The following DNM1 variants were observed in gnomAD, a reference collection of about 807,000 sequenced individuals.
The protein encoded by DNM1 is dynamin 1.
A neutral mutation model predicts 104.6 loss-of-function variants in DNM1; 29 were observed. That is an observed-to-expected ratio of 0.28 (90% CI 0.21 to 0.38). The LOEUF is 0.38. Among genes scored for constraint, DNM1 ranks in the 10% least tolerant of loss-of-function variants. DNM1 has a pLI of 1.00. For missense variants in DNM1, 640 were observed against 1,189.4 expected (o/e 0.54, Z 6.79); for synonymous variants, 445 against 475.8 (o/e 0.94, Z 0.84).
In DNM1 at chr9:128,203,823, C is replaced by G. The variant is rs1453919009; in HGVS notation, c.161+192C>G. ...AGCCCCTCGGGGCAGCAGCGCCCCCCGCTAGTCTGCAAACGTCGTCAAGCC... is the reference window on the plus strand; with the variant it reads ...AGCCCCTCGGGGCAGCAGCGCCCCCGGCTAGTCTGCAAACGTCGTCAAGCC... On this transcript the variant is annotated intron_variant, in intron 1 of 21. Transcript: ENST00000372923. This position sits in a 1 kb window ranked among gnomAD's most constrained non-coding sequence, Gnocchi z 5.3. 1.3e-5 allele frequency among the ~76,000 whole-genome samples: 2 copies of G among 151,148 alleles called. No homozygotes were observed. The highest frequency in any genetic ancestry group is 3.0e-5 in the Non-Finnish European group (2 of 67,662).
Position 128,254,911 on chromosome 9 carries a change from G to C in DNM1, c.*197G>C. ...CCCTTCTGTGGTATGCCCTTGCCCT[G>C]TTCTATAAATATCTATAAATACTCA... On this transcript the variant is annotated 3_prime_UTR_variant, in exon 22 of 22. Transcript: ENST00000372923. This position sits in a 1 kb window ranked among gnomAD's most constrained non-coding sequence, Gnocchi z 6.1. 1 of 562,346 alleles carries C rather than the reference G, an allele frequency of 1.8e-6. No individual in the cohort carries two copies. The highest frequency in any genetic ancestry group is 3.1e-6 in the Non-Finnish European group (1 of 320,798). The allele number at this position is 562,346 out of a possible 1,614,324, so 34.8% of individuals were successfully genotyped here. A position where few individuals can be genotyped will look rare whatever the true frequency, so the allele number is the denominator to read the frequency against.
chr9:128,223,045 A>C (rs1588371466), intron 9 of DNM1, 185 bp downstream of exon 9: 2 of 616,308 alleles, frequency 3.2e-6, no homozygotes, highest in Non-Finnish European at 5.6e-6. Context: ...GACCCGGGCC[A>C]CCCCGCCTAC....
intron 1 of DNM1, among the ~76,000 whole-genome samples, chr9:128,211,858 G>C (rs1031861883): frequency 1.3e-5 from 2 of 152,198 alleles, no homozygotes; most frequent in African/African-American, 4.8e-5. Context: ...AAAGAAGCCC[G>C]TTGCCTTGGG....
intron 10 of DNM1, among the ~76,000 whole-genome samples, chr9:128,231,228 A>G (rs1163252129): frequency 8.8e-6 from 1 of 113,314 alleles, no homozygotes; most frequent in Non-Finnish European, 1.7e-5. Flanking sequence ...TGGAGACAGA[A>G]TTTCGCTCTT....
chr9:128,207,767 C>T (rs74986293), intron 1 of DNM1, among the ~76,000 whole-genome samples: 4,365 of 152,240 alleles, frequency 0.029, 200 homozygotes, highest in African/African-American at 0.1. Context: ...AGGAAGCACT[C>T]GGGGCAGGGC....
chr9:128,231,898 G>A, intron 10 of DNM1: 1 of 413,254 alleles, frequency 2.4e-6, no homozygotes, highest in Non-Finnish European at 4.8e-6. Flanking sequence ...TGGCTCCAGG[G>A]GCTGTGTCCC....
chr9:128,239,572 GTGTGT>G, intron 12 of DNM1, 57 bp downstream of exon 12: 1 of 528,156 alleles, frequency 1.9e-6, no homozygotes, highest in Non-Finnish European at 2.8e-6. Flanking sequence ...GGTAACGTGT[GTGTGT>G]GTGTGTGTGT....
At chr9:128,252,321 C>A in intron 21 of DNM1, 1 of 356,366 alleles carries the variant, frequency 2.8e-6, no homozygotes, top group South Asian at 2.2e-5. Flanking sequence ...CCTGCCCCAA[C>A]TCCAGTCTTG....
chr9:128,232,509 C>G (rs780741476), intron 10 of DNM1: 19 of 155,958 alleles, frequency 1.2e-4, no homozygotes, highest in Non-Finnish European at 2.0e-4. Flanking sequence ...CTGCTTTCTC[C>G]CCATCCTCCT....
chr9:128,211,377 G>A (rs1834284445), intron 1 of DNM1, among the ~76,000 whole-genome samples: 1 of 151,270 alleles, frequency 6.6e-6, no homozygotes, highest in Admixed American at 6.6e-5. Context: ...TGGTCTACCT[G>A]AATATATTAC....
At position 128,254,042 on chromosome 9, in the gene DNM1, C is replaced by T. The variant is rs2131311301; in HGVS notation, c.2535-612C>T. 1 of 1,237,266 alleles carries T rather than the reference C, an allele frequency of 8.1e-7. No individual in the cohort carries two copies. Among genetic ancestry groups the T allele is most frequent in the Non-Finnish European group, 1.0e-6 (1 of 991,836 alleles). The allele number at this position is 1,237,266 out of a possible 1,614,324, so 76.6% of individuals were successfully genotyped here. On this transcript the variant is annotated intron_variant, in intron 21 of 21. Transcript: ENST00000372923. This position sits in a 1 kb window ranked among gnomAD's most constrained non-coding sequence, Gnocchi z 6.1. Reference sequence around the variant, plus strand: ...CAGCCTCACCTACGAGACCTGCAGCCCCCCGACCAGCTGAGGCTCCCCTCT... The same window carrying T: ...CAGCCTCACCTACGAGACCTGCAGCTCCCCGACCAGCTGAGGCTCCCCTCT...
chr9:128,247,071 A>T lies in DNM1; in HGVS notation c.1782-304A>T, dbSNP rs1315656869. Reference sequence around the variant, plus strand: ...GAGAGCCACGGAGAAAGCTGGTGGGATCTGGGCCCCAAGCTAGAGACTTCA... The same window carrying T: ...GAGAGCCACGGAGAAAGCTGGTGGGTTCTGGGCCCCAAGCTAGAGACTTCA... On this transcript the variant is annotated intron_variant, in intron 16 of 21. Coordinates refer to ENST00000372923, the MANE Select transcript of DNM1 (RefSeq NM_004408.4). This position sits in a 1 kb window ranked among gnomAD's most constrained non-coding sequence, Gnocchi z 5.1. 1 of 274,780 alleles carries T rather than the reference A, an allele frequency of 3.6e-6. No homozygotes were observed. The highest frequency in any genetic ancestry group is 7.0e-6 in the Non-Finnish European group (1 of 143,018). The allele number at this position is 274,780 out of a possible 1,614,324, so 17.0% of individuals were successfully genotyped here. A position where few individuals can be genotyped will look rare whatever the true frequency, so the allele number is the denominator to read the frequency against.
Position 128,247,634 on chromosome 9 carries a change from T to G in DNM1, c.1893+148T>G. 1 of 742,306 alleles carries G rather than the reference T, an allele frequency of 1.3e-6. No homozygotes were observed. The highest frequency in any genetic ancestry group is 2.2e-6 in the Non-Finnish European group (1 of 450,122). The allele number at this position is 742,306 out of a possible 1,614,324, so 46.0% of individuals were successfully genotyped here. Reference sequence around the variant, plus strand: ...TCCTCCCCCCTACCCACTCTGGGGGTGGGAACAGAGATAAGTCTCCTGGTA... The same window carrying G: ...TCCTCCCCCCTACCCACTCTGGGGGGGGGAACAGAGATAAGTCTCCTGGTA... On this transcript the variant is annotated intron_variant, in intron 17 of 21. Coordinates refer to ENST00000372923, the MANE Select transcript of DNM1 (RefSeq NM_004408.4). The surrounding 1 kb of genome is among the most constrained non-coding windows in gnomAD (Gnocchi z 5.1).
At position 128,220,364 on chromosome 9, in the gene DNM1, G is replaced by A. The variant is rs754468514; in HGVS notation, c.849+23G>A. On this transcript the variant is annotated intron_variant, in intron 6 of 21. Coordinates refer to ENST00000372923, the MANE Select transcript of DNM1 (RefSeq NM_004408.4). The surrounding 1 kb of genome is among the most constrained non-coding windows in gnomAD (Gnocchi z 5.2). Reference sequence around the variant, plus strand: ...CAGGTAGGCGACCAAGCCAGGATGGGGCCTGGGGAAACAAGCATGAAAACA... The same window carrying A: ...CAGGTAGGCGACCAAGCCAGGATGGAGCCTGGGGAAACAAGCATGAAAACA... 4 of 1,610,696 alleles carry A rather than the reference G, an allele frequency of 2.5e-6. No individual in the cohort carries two copies. Among genetic ancestry groups the A allele is most frequent in the African/African-American group, 2.7e-5 (2 of 75,030 alleles).
rs1280655686 is a variant in DNM1 at position 128,224,199 on chromosome 9, T to C, written c.1197-52T>C. On this transcript the variant is annotated intron_variant, in intron 9 of 21. Transcript: ENST00000372923. The surrounding 1 kb of genome is among the most constrained non-coding windows in gnomAD (Gnocchi z 4.3). ...GGGAGGAGCCTCGGCCTGGCCCTCC[T>C]GGCCGGCACTGGCCTGTGACACTCT... 1.3e-6 allele frequency: 2 copies of C among 1,572,514 alleles called. No homozygotes were observed. The highest frequency in any genetic ancestry group is 1.4e-5 in the African/African-American group (1 of 74,064).
In DNM1 at chr9:128,248,571, T is replaced by A. The variant is rs1196602025; in HGVS notation, c.1906-12T>A. On this transcript the variant is annotated splice_polypyrimidine_tract_variant and intron_variant, in intron 18 of 21. Coordinates refer to ENST00000372923, the MANE Select transcript of DNM1 (RefSeq NM_004408.4). This position sits in a 1 kb window ranked among gnomAD's most constrained non-coding sequence, Gnocchi z 5.6. ...GCCTGGCCACCTGATGCCCTTGTGT[T>A]CTCCATGGCAGGCCAGCGAGACCGA... The A allele has an allele frequency of 6.2e-7, 1 of 1,610,866 alleles. No individual in the cohort carries two copies. Among genetic ancestry groups the A allele is most frequent in the Non-Finnish European group, 8.5e-7 (1 of 1,177,450 alleles).
Position 128,253,377 on chromosome 9 carries a change from TG to T in DNM1, c.2535-1275del. ...CTCCATGGCTGAGCCTGGAGGCTCTTGGAACAGGCTCCGCGCCCAAGCTGGC... is the reference window on the plus strand; with the variant it reads ...CTCCATGGCTGAGCCTGGAGGCTCTTGAACAGGCTCCGCGCCCAAGCTGGC... On this transcript the variant is annotated intron_variant, in intron 21 of 21. Transcript: ENST00000372923. This position sits in a 1 kb window ranked among gnomAD's most constrained non-coding sequence, Gnocchi z 5.9. 2 of 564,892 alleles carry T rather than the reference TG, an allele frequency of 3.5e-6. No individual in the cohort carries two copies. Among genetic ancestry groups the T allele is most frequent in the Non-Finnish European group, 6.3e-6 (2 of 315,890 alleles). 35.0% of individuals were successfully genotyped at this position (564,892 alleles called of 1,614,324 possible).
At chr9:128,206,096 C>G (rs1299155610) in intron 1 of DNM1, among the ~76,000 whole-genome samples, 1 of 152,136 alleles carries the variant, frequency 6.6e-6, no homozygotes, top group Non-Finnish European at 1.5e-5. Context: ...CTGCCAGCTC[C>G]CTCAAGGGCT....
intron 10 of DNM1, among the ~76,000 whole-genome samples, chr9:128,231,194 CTTTTTTT>C (rs72047067): frequency 3.8e-4 from 26 of 68,516 alleles, no homozygotes; most frequent in Admixed American, 3.1e-3. Flanking sequence ...ATACTTTTGC[CTTTTTTT>C]TTTTTTTTTT....
Sources: gnomAD v4.1 joint callset for allele counts (sites outside exome capture counted in the v4.1 genomes callset) on GRCh38, gnomAD v4.1.1 for gene constraint, Gnocchi (gnomAD v3.1) non-coding constraint, MANE v1.5 for transcripts, NCBI Gene and HGNC (gene_info 2026-07-23, HGNC 2026-07-21) for gene names.